The following CACNA1B variants were observed in gnomAD, a reference collection of about 807,000 sequenced individuals.
CACNA1B encodes the protein voltage-dependent N-type calcium channel subunit alpha-1B.
In CACNA1B, 70 loss-of-function variants were observed where a neutral mutation model predicts 247.2. The observed-to-expected ratio is 0.28, with a 90% CI of 0.23 to 0.35. CACNA1B has a LOEUF of 0.35. Ranked by LOEUF, CACNA1B falls within the 10% of genes least tolerant of loss-of-function variation. The probability of loss-of-function intolerance (pLI) is 1.00; values close to 1 mark genes in which losing one functional copy is unlikely to be tolerated. For synonymous variants in CACNA1B, 1,231 were observed against 1,294.4 expected, an observed-to-expected ratio of 0.95 and a Z score of 1.05; for missense variants, 2,367 against 3,197.4, an observed-to-expected ratio of 0.74 and a Z score of 6.26.
Position 138,083,430 on chromosome 9 carries a change from A to G in CACNA1B, c.5094+5172A>G, listed in dbSNP as rs138064726. 2.0e-3 allele frequency among the ~76,000 whole-genome samples: 307 copies of G among 150,824 alleles called. 4 individuals carry two copies. The highest frequency in any genetic ancestry group is 3.5e-3 in the Non-Finnish European group (241 of 67,932). On this transcript the variant is annotated intron_variant, in intron 36 of 46. Transcript: ENST00000371372. ...AAGTGGTACCCTGCCTCCTGGGAAA[A>G]CAGTACCTTGGCCACTCAGAGCGGT... is the stretch of plus-strand genomic sequence containing the variant.
chr9:137,894,926 T>C (rs1957156320), intron 3 of CACNA1B, among the ~76,000 whole-genome samples: 1 of 152,208 alleles, frequency 6.6e-6, no homozygotes, highest in African/African-American at 2.4e-5. Context: ...GGATAAGGCT[T>C]GTGGTGCGAA....
Position 138,058,454 on chromosome 9 carries a change from T to C in CACNA1B, c.4309-115T>C. 2.9e-6 allele frequency: 3 copies of C among 1,030,984 alleles called. No individual in the cohort carries two copies. Among genetic ancestry groups the C allele is most frequent in the South Asian group, 1.6e-5 (1 of 63,970 alleles). 63.9% of individuals were successfully genotyped at this position (1,030,984 alleles called of 1,614,324 possible). ...GGAGAAGGTCTGGGCTGCTTCAATT[T>C]GTCTTCTGTTGTCAGGGCTCCCTGT... On this transcript the variant is annotated intron_variant, in intron 28 of 46. Coordinates refer to ENST00000371372, the MANE Select transcript of CACNA1B (RefSeq NM_000718.4). The surrounding 1 kb of genome is among the most constrained non-coding windows in gnomAD (Gnocchi z 4.7).
chr9:137,956,481 A>G (rs966261999), intron 8 of CACNA1B, among the ~76,000 whole-genome samples: 1 of 152,150 alleles, frequency 6.6e-6, no homozygotes, highest in African/African-American at 2.4e-5. Flanking sequence ...AACATGGTGA[A>G]ACCCCATCTC....
At chr9:137,901,752 C>T (rs191609516) in intron 3 of CACNA1B, among the ~76,000 whole-genome samples, 14 of 140,496 alleles carry the variant, frequency 1.0e-4, no homozygotes, top group East Asian at 6.4e-4. Context: ...TGCAGTGGTG[C>T]GATCTCAGCT....
At chr9:137,944,165 CCTTCATGATTGTTA>C (rs1957766630) in intron 6 of CACNA1B, among the ~76,000 whole-genome samples, 1 of 152,156 alleles carries the variant, frequency 6.6e-6, no homozygotes, top group South Asian at 2.1e-4. Flanking sequence ...CCTTTTCCTT[CCTTCATGATTGTTA>C]TACATCATGA....
chr9:138,059,885 G>A lies in CACNA1B; in HGVS notation c.4668+148G>A. On this transcript the variant is annotated intron_variant, in intron 31 of 46. Coordinates refer to ENST00000371372, the MANE Select transcript of CACNA1B (RefSeq NM_000718.4). The surrounding 1 kb of genome is among the most constrained non-coding windows in gnomAD (Gnocchi z 4.2). ...CATGTGGAGGCTTCGCTCCAGGGGT[G>A]GAGTTTAGGGATTGGGTGTTACCTC... 1.6e-6 allele frequency: 1 copy of A among 612,068 alleles called. No individual in the cohort carries two copies. The highest frequency in any genetic ancestry group is 3.0e-6 in the Non-Finnish European group (1 of 338,708). 37.9% of individuals were successfully genotyped at this position (612,068 alleles called of 1,614,324 possible).
intron 10 of CACNA1B, among the ~76,000 whole-genome samples, chr9:137,968,710 A>G (rs1162403423): frequency 6.6e-6 from 1 of 152,190 alleles, no homozygotes; most frequent in East Asian, 1.9e-4. Context: ...ATTTGTACAC[A>G]TTTTTTGAAC....
rs570033300 is a variant in CACNA1B, at chr9:137,950,453, C to A, written c.967-1821C>A. Among the ~76,000 whole-genome samples the A allele has an allele frequency of 3.3e-5, 5 of 152,338 alleles. No individual in the cohort carries two copies. Among genetic ancestry groups the A allele is most frequent in the Admixed American group, 1.3e-4 (2 of 15,306 alleles). On this transcript the variant is annotated intron_variant, in intron 6 of 46. Coordinates refer to ENST00000371372, the MANE Select transcript of CACNA1B (RefSeq NM_000718.4). The surrounding 1 kb of genome is among the most constrained non-coding windows in gnomAD (Gnocchi z 4.8). ...GCTTGGGCTGGGGGGCCGTGATAAC[C>A]CCTGCTGAGGAGGAACGTTCCACTT...
chr9:137,888,469 C>T lies in CACNA1B; in HGVS notation c.530+5586C>T, dbSNP rs1331677233. On this transcript the variant is annotated intron_variant, in intron 3 of 46. Coordinates refer to ENST00000371372, the MANE Select transcript of CACNA1B (RefSeq NM_000718.4). This position sits in a 1 kb window ranked among gnomAD's most constrained non-coding sequence, Gnocchi z 4.7. The stretch of plus-strand genomic sequence containing the variant: ...CCCCAAAGCCCTGCGCGTCCCCACC[C>T]CTGTTGTGGCTCCAGCCTGGTGCTA... Among the ~76,000 whole-genome samples the T allele has an allele frequency of 6.6e-6, 1 of 152,232 alleles. No individual in the cohort carries two copies. Among genetic ancestry groups the T allele is most frequent in the African/African-American group, 2.4e-5 (1 of 41,454 alleles).
intron 15 of CACNA1B, among the ~76,000 whole-genome samples, chr9:137,997,455 A>T (rs1320132558): frequency 6.6e-6 from 1 of 152,258 alleles, no homozygotes; most frequent in Non-Finnish European, 1.5e-5. Context: ...AAAACATGAA[A>T]TTGGATTCCT....
At chr9:137,926,151 G>A (rs936241159) in intron 6 of CACNA1B, among the ~76,000 whole-genome samples, 37 of 144,642 alleles carry the variant, frequency 2.6e-4, no homozygotes, top group African/African-American at 9.4e-4. Flanking sequence ...TCACTTGCAA[G>A]CTCTGCCCCC....
At chr9:138,115,522 CT>C in intron 41 of CACNA1B, 29 bp from the exon 42 acceptor site, 2 of 1,605,370 alleles carry the variant, frequency 1.2e-6, no homozygotes, top group Non-Finnish European at 1.7e-6. Flanking sequence ...CCCATTGGAG[CT>C]CTTTCCCTTC....
chr9:137,952,497 GC>G lies in CACNA1B; in HGVS notation c.1070+124del. On this transcript the variant is annotated intron_variant, in intron 7 of 46. Transcript: ENST00000371372. The surrounding 1 kb of genome is among the most constrained non-coding windows in gnomAD (Gnocchi z 4.8). ...CCCATGGGTGCCCTCTGTGGTGGTT[GC>G]CCCTGGTGTTCTGGGTTCTGGTAGC... The G allele has an allele frequency of 2.5e-6, 2 of 788,580 alleles. No homozygotes were observed. The highest frequency in any genetic ancestry group is 2.1e-5 in the Admixed American group (1 of 48,448). The allele number at this position is 788,580 out of a possible 1,614,324, so 48.8% of individuals were successfully genotyped here. A position where few individuals can be genotyped will look rare whatever the true frequency, so the allele number is the denominator to read the frequency against.
chr9:138,033,479 G>A (rs1959008464), intron 20 of CACNA1B, among the ~76,000 whole-genome samples: 1 of 152,074 alleles, frequency 6.6e-6, no homozygotes, highest in South Asian at 2.1e-4. Context: ...TAGACTCTCA[G>A]TGGTATTGTG....
rs1017276097 is a variant in CACNA1B, at chr9:137,899,018, C to T, written c.531-14162C>T. On this transcript the variant is annotated intron_variant, in intron 3 of 46. Coordinates refer to ENST00000371372, the MANE Select transcript of CACNA1B (RefSeq NM_000718.4). This position sits in a 1 kb window ranked among gnomAD's most constrained non-coding sequence, Gnocchi z 5.0. Reference sequence around the variant, plus strand: ...AACTCCTGGACTCAAGCAGTCCTCCCGCCTCAGCTTTCCAAAGTGCTGGGA... The same window carrying T: ...AACTCCTGGACTCAAGCAGTCCTCCTGCCTCAGCTTTCCAAAGTGCTGGGA... 5.9e-5 allele frequency among the ~76,000 whole-genome samples: 9 copies of T among 151,932 alleles called. No individual in the cohort carries two copies. The highest frequency in any genetic ancestry group is 1.3e-4 in the Admixed American group (2 of 15,230).
rs1491552131 is a variant in CACNA1B, at chr9:137,939,848, A to AAATAAAT, written c.967-12424_967-12423insTAAATAA. 7.6e-5 allele frequency among the ~76,000 whole-genome samples: 5 copies of AAATAAAT among 65,512 alleles called. No individual in the cohort carries two copies. In the African/African-American group the frequency reaches 7.8e-4, roughly 10 times the overall value. 43.0% of individuals were successfully genotyped at this position (65,512 alleles called of 152,430 possible). ...TAAATAAATAAATAAATAAATAAAT[A>AAATAAAT]AAAAAAAATAAAATTCTTCGAACTG... On this transcript the variant is annotated intron_variant, in intron 6 of 46. Transcript: ENST00000371372.
rs546196163 is a variant in CACNA1B, at chr9:138,100,913, C to T, written c.5223-1798C>T. On this transcript the variant is annotated intron_variant, in intron 37 of 46. Coordinates refer to ENST00000371372, the MANE Select transcript of CACNA1B (RefSeq NM_000718.4). The surrounding 1 kb of genome is among the most constrained non-coding windows in gnomAD (Gnocchi z 4.6). ...TGCACACATCGGGCTCCGGAAATTT[C>T]GCTGGGGTTGCCACACCTCCCGGGG... Among the ~76,000 whole-genome samples the T allele has an allele frequency of 6.6e-6, 1 of 152,214 alleles. No individual in the cohort carries two copies. Among genetic ancestry groups the T allele is most frequent in the East Asian group, 1.9e-4 (1 of 5,168 alleles).
At position 137,956,811 on chromosome 9, in the gene CACNA1B, G is replaced by C; in HGVS notation, c.1227G>C (p.Glu409Asp). The C allele has an allele frequency of 6.2e-7, 1 of 1,613,798 alleles. No individual in the cohort carries two copies. The change falls in exon 9 of 47, where the codon GAG (glutamate) becomes GAC (aspartate). Residue 409 changes from glutamate to aspartate, a missense_variant. Physicochemically the swap from Glu to Asp is conservative, Grantham distance 45. Transcript: ENST00000371372. ...MLAEEDRNAE[E>D]KSPLDVLKRA... ...CCGAGGAGGACAGGAATGCAGAGGA[G>C]AAGTCCCCTTTGGACGGTAGGTGGC...
intron 32 of CACNA1B, among the ~76,000 whole-genome samples, chr9:138,071,991 T>G (rs1177792293): frequency 1.3e-5 from 2 of 152,072 alleles, no homozygotes; most frequent in Non-Finnish European, 2.9e-5. Context: ...ATGGCTGGCT[T>G]CTCTGTGGGT....
Sources: allele counts gnomAD v4.1 joint callset (sites outside exome capture counted in the v4.1 genomes callset), GRCh38; gene constraint gnomAD v4.1.1; non-coding constraint Gnocchi (gnomAD v3.1); transcripts MANE v1.5; gene names NCBI Gene and HGNC (gene_info 2026-07-23, HGNC 2026-07-21).